NYNRIN: variants seen among roughly 807,000 people sequenced by gnomAD.
The protein encoded by NYNRIN is protein NYNRIN.
NYNRIN carries 86 observed loss-of-function variants against 146.6 expected under a neutral mutation model. The ratio of observed to expected loss-of-function variants is 0.59; its 90% CI spans 0.49 to 0.70. The LOEUF (loss-of-function observed/expected upper bound fraction) is 0.70. Ranked by LOEUF, NYNRIN falls within the 30% of genes least tolerant of loss-of-function variation. The pLI is 0.00. For synonymous variants in NYNRIN, 1,027 were observed against 1,001.3 expected, an observed-to-expected ratio of 1.03 and a Z score of -0.48; for missense variants, 2,191 against 2,377.7, an observed-to-expected ratio of 0.92 and a Z score of 1.63.
chr14:24,399,171 G>C, intron 1 of NYNRIN, 59 bp from the exon 2 acceptor site: 1 of 1,420,208 alleles, frequency 7.0e-7, no homozygotes, highest in Non-Finnish European at 9.7e-7. Flanking sequence ...CCTGGGGCTG[G>C]GGGCTGGGGC....
chr14:24,399,083 C>A lies in NYNRIN; in HGVS notation c.-21C>A. 1 of 619,082 alleles carries A rather than the reference C, an allele frequency of 1.6e-6. No individual in the cohort carries two copies. The highest frequency in any genetic ancestry group is 2.7e-6 in the Non-Finnish European group (1 of 373,994). 38.3% of individuals were successfully genotyped at this position (619,082 alleles called of 1,614,324 possible). A position where few individuals can be genotyped will look rare whatever the true frequency, so the allele number is the denominator to read the frequency against. Reference sequence around the variant, plus strand: ...CCAGAGGGCGGGCGCCCGAGCCGTGCGGGGTGGGTCCCGCCGCCTGGAGGA... The same window carrying A: ...CCAGAGGGCGGGCGCCCGAGCCGTGAGGGGTGGGTCCCGCCGCCTGGAGGA... On this transcript the variant is annotated 5_prime_UTR_variant, in exon 1 of 9. Transcript: ENST00000382554.
Position 24,417,508 on chromosome 14 carries a change from C to T in NYNRIN, c.*62C>T. The T allele has an allele frequency of 7.0e-7, 1 of 1,431,714 alleles. No individual in the cohort carries two copies. Among genetic ancestry groups the T allele is most frequent in the Non-Finnish European group, 9.1e-7 (1 of 1,097,706 alleles). The allele number at this position is 1,431,714 out of a possible 1,614,324, so 88.7% of individuals were successfully genotyped here. A position where few individuals can be genotyped will look rare whatever the true frequency, so the allele number is the denominator to read the frequency against. On this transcript the variant is annotated 3_prime_UTR_variant, in exon 9 of 9. Coordinates refer to ENST00000382554, the MANE Select transcript of NYNRIN (RefSeq NM_025081.3). ...TGGGTTTCTGCTGCTAGGCCTCCCC[C>T]TGTCCCAGCAGTGCTCTCAGTCCAC...
chr14:24,408,327 G>A lies in NYNRIN; in HGVS notation c.657G>A (p.Glu219=), dbSNP rs1317546196. The A allele has an allele frequency of 1.9e-6, 3 of 1,613,728 alleles. No homozygotes were observed. Among genetic ancestry groups the A allele is most frequent in the South Asian group, 1.1e-5 (1 of 91,090 alleles). The stretch of plus-strand genomic sequence containing the variant: ...TCTCTGACTCCCACTCCGATCCGGA[G>A]GTTCTAATCTGCCCTCCCCAGCAGC... ...FGISDSHSDP[E]VLICPPQQQK... The change falls in exon 3 of 9, where the codon GAG becomes GAA. Residue 219 remains glutamate (E), a synonymous_variant. Transcript: ENST00000382554.
At chr14:24,410,748 C>T (rs559916558) in intron 4 of NYNRIN, among the ~76,000 whole-genome samples, 6 of 152,352 alleles carry the variant, frequency 3.9e-5, no homozygotes, top group African/African-American at 9.6e-5. Context: ...AGCACACTGT[C>T]GGTGGCCAGG....
In NYNRIN at chr14:24,411,017, G is replaced by A. The variant is rs2042909475; in HGVS notation, c.2415-59G>A. The A allele has an allele frequency of 6.2e-7, 1 of 1,606,162 alleles. No homozygotes were observed. Among genetic ancestry groups the A allele is most frequent in the African/African-American group, 1.3e-5 (1 of 74,778 alleles). On this transcript the variant is annotated intron_variant, in intron 4 of 8. Transcript: ENST00000382554. The surrounding 1 kb of genome is among the most constrained non-coding windows in gnomAD (Gnocchi z 4.3). ...TGGCATTGCTTGCTTGCTGCCCCAGGGCTGGCTCTGAGGGAGGAGTGGTGA... is the reference window on the plus strand; with the variant it reads ...TGGCATTGCTTGCTTGCTGCCCCAGAGCTGGCTCTGAGGGAGGAGTGGTGA...
At position 24,417,744 on chromosome 14, in the gene NYNRIN, C is replaced by G. The variant is rs1460570124; in HGVS notation, c.*298C>G. The G allele has an allele frequency of 3.1e-6, 1 of 326,748 alleles. No individual in the cohort carries two copies. The allele number at this position is 326,748 out of a possible 1,614,324, so 20.2% of individuals were successfully genotyped here. ...CTATACCAGGCTCAGTGTCTTCTCCCCAAGTATCCTCTTTCCCCTTCACAT... is the reference window on the plus strand; with the variant it reads ...CTATACCAGGCTCAGTGTCTTCTCCGCAAGTATCCTCTTTCCCCTTCACAT... On this transcript the variant is annotated 3_prime_UTR_variant, in exon 9 of 9. Transcript: ENST00000382554.
chr14:24,416,678 C>T lies in NYNRIN; in HGVS notation c.4929C>T (p.Thr1643=). 1 of 1,613,954 alleles carries T rather than the reference C, an allele frequency of 6.2e-7. No individual in the cohort carries two copies. Among genetic ancestry groups the T allele is most frequent in the Non-Finnish European group, 8.5e-7 (1 of 1,179,868 alleles). The part of the protein sequence containing the change: ...KHVLIVADPN[T]RWVEAFPLKP... ...TACTTATTGTGGCTGACCCAAACACCAGGTGGGTGGAGGCATTCCCCCTGA... is the reference window on the plus strand; with the variant it reads ...TACTTATTGTGGCTGACCCAAACACTAGGTGGGTGGAGGCATTCCCCCTGA... Residue 1643 remains threonine, a synonymous_variant, in exon 9 of 9, where the codon ACC becomes ACT. Transcript: ENST00000382554.
rs771918596 is a variant in NYNRIN, at chr14:24,413,092, A to G, written c.2738A>G (p.Lys913Arg). The change falls in exon 7 of 9, where the codon AAA becomes AGA. Residue 913 changes from lysine (K) to arginine (R), a missense_variant. Physicochemically the swap from Lys to Arg is conservative, Grantham distance 26 (BLOSUM62 2). Transcript: ENST00000382554. Reference sequence around the variant, plus strand: ...AATAGTTCCAAGAAACTGATGGTCAAAGATCGGTAAGATGGTCCCCAGAGG... The same window carrying G: ...AATAGTTCCAAGAAACTGATGGTCAGAGATCGGTAAGATGGTCCCCAGAGG... The part of the protein sequence containing the change: ...LMNSSKKLMV[K>R]DRLLPFTFAG... The G allele has an allele frequency of 6.3e-7, 1 of 1,578,564 alleles. No homozygotes were observed. Among genetic ancestry groups the G allele is most frequent in the East Asian group, 2.3e-5 (1 of 43,626 alleles).
rs1413320724 is a variant in NYNRIN, at chr14:24,418,379, C to T, written c.*933C>T. 1.9e-5 allele frequency: 8 copies of T among 424,470 alleles called. No homozygotes were observed. Among genetic ancestry groups the T allele is most frequent in the Admixed American group, 5.2e-5 (2 of 38,248 alleles). The allele number at this position is 424,470 out of a possible 1,614,324, so 26.3% of individuals were successfully genotyped here. ...GGCTCTACCTCCCAACCCCTCCCAA[C>T]CCCATCCCAAAGCCTACAGTCCTCT... On this transcript the variant is annotated 3_prime_UTR_variant, in exon 9 of 9. Transcript: ENST00000382554.
chr14:24,406,462 T>C (rs1050887705), intron 2 of NYNRIN, among the ~76,000 whole-genome samples: 15 of 152,170 alleles, frequency 9.9e-5, no homozygotes, highest in Middle Eastern at 3.4e-3. Flanking sequence ...TGGGACCAGA[T>C]GAGGTTGGGG....
chr14:24,408,418 C>A lies in NYNRIN; in HGVS notation c.748C>A (p.Leu250Ile). The A allele has an allele frequency of 6.2e-7, 1 of 1,613,620 alleles. No homozygotes were observed. The highest frequency in any genetic ancestry group is 8.5e-7 in the Non-Finnish European group (1 of 1,179,820). Residue 250 changes from leucine to isoleucine, a missense_variant, in exon 3 of 9, where the codon CTC becomes ATC. By Grantham distance (5) the Leu-to-Ile change is conservative. Transcript: ENST00000382554. The part of the protein sequence containing the change: ...SPGPFVDMGT[L>I]QNRGPENSKR... ...TGGACCCTTTGTGGACATGGGGACC[C>A]TCCAGAACAGGGGCCCAGAAAATTC...
chr14:24,413,654 C>T (rs1221982316), intron 8 of NYNRIN, among the ~76,000 whole-genome samples: 2 of 152,204 alleles, frequency 1.3e-5, no homozygotes, highest in African/African-American at 4.8e-5. Flanking sequence ...TCCTTCCAAA[C>T]TGGCATTTGT....
Position 24,415,366 on chromosome 14 carries a change from G to T in NYNRIN, c.3617G>T (p.Gly1206Val), listed in dbSNP as rs1416151635. The stretch of plus-strand genomic sequence containing the variant: ...GAGAGCCAGGGCCCCCAGTCAGGGG[G>T]TGACAGCCCCTATGCTGTGGCCTGG... ...DEESQGPQSGGDSPYAVAWAL... is the reference protein window; with the variant it reads ...DEESQGPQSGVDSPYAVAWAL... The change falls in exon 9 of 9, where the codon GGT (glycine) becomes GTT (valine). Residue 1206 changes from glycine (G) to valine (V), a missense_variant. By Grantham distance (109) the Gly-to-Val change is moderately radical. This residue lies in a region of NYNRIN where 1,291 missense variants were observed against 1,417.0 expected (regional missense o/e 0.91). Transcript: ENST00000382554. The T allele has an allele frequency of 4.3e-6, 7 of 1,613,994 alleles. No homozygotes were observed. The highest frequency in any genetic ancestry group is 2.2e-5 in the East Asian group (1 of 44,876).
Position 24,409,421 on chromosome 14 carries a change from A to G in NYNRIN, c.1627A>G (p.Thr543Ala). Residue 543 changes from threonine to alanine, a missense_variant, in exon 4 of 9, where the codon ACT becomes GCT. By Grantham distance (58) the Thr-to-Ala change is moderately conservative. Transcript: ENST00000382554. ...SVPGAQTVPE[T>A]LKVPMAAAVP... ...ACCTGGAGCTCAAACAGTGCCTGAA[A>G]CTCTCAAAGTGCCCATGGCTGCAGC... is the stretch of plus-strand genomic sequence containing the variant. 1 of 1,613,872 alleles carries G rather than the reference A, an allele frequency of 6.2e-7. No homozygotes were observed.
At chr14:24,405,999 T>C (rs1011612077) in intron 2 of NYNRIN, among the ~76,000 whole-genome samples, 1 of 151,726 alleles carries the variant, frequency 6.6e-6, no homozygotes, top group African/African-American at 2.4e-5. Context: ...CCATCTCTAC[T>C]AAAAATACAA....
rs2042896779 is a variant in NYNRIN, at chr14:24,409,412, G to A, written c.1618G>A (p.Val540Met). The change falls in exon 4 of 9, where the codon GTG becomes ATG. Residue 540 changes from valine to methionine, a missense_variant. By Grantham distance (21) the Val-to-Met change is conservative. This residue lies in a region of NYNRIN where 895 missense variants were observed against 941.2 expected (regional missense o/e 0.95). Coordinates refer to ENST00000382554, the MANE Select transcript of NYNRIN (RefSeq NM_025081.3). Reference sequence around the variant, plus strand: ...TCAGTCAGTACCTGGAGCTCAAACAGTGCCTGAAACTCTCAAAGTGCCCAT... The same window carrying A: ...TCAGTCAGTACCTGGAGCTCAAACAATGCCTGAAACTCTCAAAGTGCCCAT... ...TDQSVPGAQTVPETLKVPMAA... is the reference protein window; with the variant it reads ...TDQSVPGAQTMPETLKVPMAA... The A allele has an allele frequency of 5.0e-6, 8 of 1,614,014 alleles. No homozygotes were observed. Among genetic ancestry groups the A allele is most frequent in the Non-Finnish European group, 6.8e-6 (8 of 1,179,894 alleles).
chr14:24,415,903 T>G lies in NYNRIN; in HGVS notation c.4154T>G (p.Leu1385Arg). 6.2e-7 allele frequency: 1 copy of G among 1,613,956 alleles called. No individual in the cohort carries two copies. The highest frequency in any genetic ancestry group is 8.5e-7 in the Non-Finnish European group (1 of 1,179,876). The change falls in exon 9 of 9, where the codon CTG (leucine) becomes CGG (arginine). Residue 1385 changes from leucine (L) to arginine (R), a missense_variant. Around this residue, in one of 3 missense-constraint regions of NYNRIN, gnomAD observed 1,291 missense variants for 1,417.0 expected, o/e 0.91. Coordinates refer to ENST00000382554, the MANE Select transcript of NYNRIN (RefSeq NM_025081.3). ...CACTGCAACTGGATCTTCAGCCTCC[T>G]GTGGGAGCTCCTGCCCCTCTGGAGG... ...LTHCNWIFSL[L>R]WELLPLWRAR...
rs1299126475 is a variant in NYNRIN, at chr14:24,413,425, G to A, written c.2846+8G>A. The A allele has an allele frequency of 6.3e-7, 1 of 1,591,114 alleles. No individual in the cohort carries two copies. Among genetic ancestry groups the A allele is most frequent in the East Asian group, 2.2e-5 (1 of 44,514 alleles). ...TCTGAAGAAGCCAAACAGGTAATAG[G>A]TCAGACCTCCCCAGCCTCCCAGGCC... On this transcript the variant is annotated splice_region_variant and intron_variant, in intron 8 of 8. Coordinates refer to ENST00000382554, the MANE Select transcript of NYNRIN (RefSeq NM_025081.3).
In NYNRIN at chr14:24,415,590, G is replaced by A. The variant is rs759726589; in HGVS notation, c.3841G>A (p.Glu1281Lys). 3.1e-6 allele frequency: 5 copies of A among 1,613,830 alleles called. No individual in the cohort carries two copies. The East Asian group carries it at 1.1e-4, about 36-fold the overall frequency. ...ELALLQGLLG[E>K]NRLLTPAASM... ...GGCCCTCCTCCAGGGCCTGCTGGGG[G>A]AGAACCGCCTGCTCACCCCCGCGGC... The change falls in exon 9 of 9, where the codon GAG (glutamate) becomes AAG (lysine). Residue 1281 changes from glutamate to lysine, a missense_variant. Physicochemically the swap from Glu to Lys is moderately conservative, Grantham distance 56. This residue lies in a region of NYNRIN where 1,291 missense variants were observed against 1,417.0 expected (regional missense o/e 0.91). Transcript: ENST00000382554.
Sources: allele counts gnomAD v4.1 joint callset (sites outside exome capture counted in the v4.1 genomes callset), GRCh38; gene constraint gnomAD v4.1.1; regional missense constraint gnomAD v4.1.1; non-coding constraint Gnocchi (gnomAD v3.1); transcripts MANE v1.5; gene names NCBI Gene and HGNC (gene_info 2026-07-23, HGNC 2026-07-21).